The following SMAD6 variants were observed in gnomAD, a reference collection of about 807,000 sequenced individuals.
SMAD6 encodes SMAD family member 6.
SMAD6 carries 103 observed loss-of-function variants against 39.4 expected under a neutral mutation model. The observed-to-expected ratio is 2.62, with a 90% CI of 2.23 to 3.08. The LOEUF is 3.08. Ranked by LOEUF, SMAD6 falls within the 30% of genes most tolerant of loss-of-function variation. The probability of loss-of-function intolerance (pLI) is 0.00; values close to 1 mark genes in which losing one functional copy is unlikely to be tolerated. For synonymous variants in SMAD6, 445 were observed against 353.3 expected, an observed-to-expected ratio of 1.26 and a Z score of -2.91; for missense variants, 1,104 against 742.9, an observed-to-expected ratio of 1.49 and a Z score of -5.65.
At position 66,703,891 on chromosome 15, in the gene SMAD6, C is replaced by T. The variant is rs765145132; in HGVS notation, c.633C>T (p.Ala211=). The change falls in exon 1 of 4, where the codon GCC becomes GCT. Residue 211 remains alanine, a synonymous_variant. Transcript: ENST00000288840. ...VPGGCVLVPR[A]DLRLGGQPAP... ...GCGGCTGCGTGCTGGTGCCGCGCGCCGACCTCCGCCTGGGCGGCCAGCCCG... is the reference window on the plus strand; with the variant it reads ...GCGGCTGCGTGCTGGTGCCGCGCGCTGACCTCCGCCTGGGCGGCCAGCCCG... The T allele has an allele frequency of 3.9e-6, 5 of 1,294,366 alleles. No homozygotes were observed. The South Asian group carries it at 9.8e-5, about 25-fold the overall frequency. The allele number at this position is 1,294,366 out of a possible 1,614,324, so 80.2% of individuals were successfully genotyped here.
Position 66,708,633 on chromosome 15 carries a change from T to A in SMAD6, c.818-3035T>A, listed in dbSNP as rs1893167003. 3 of 442,986 alleles carry A rather than the reference T, an allele frequency of 6.8e-6. No homozygotes were observed. The Admixed American group carries it at 7.3e-5, about 11-fold the overall frequency. The allele number at this position is 442,986 out of a possible 1,614,324, so 27.4% of individuals were successfully genotyped here. ...GCACCAAAACGTGCTACAACATGGA[T>A]GAACTTCGATGACTTTGTGCCACAT... On this transcript the variant is annotated intron_variant, in intron 1 of 3. Coordinates refer to ENST00000288840, the MANE Select transcript of SMAD6 (RefSeq NM_005585.5).
chr15:66,716,785 GCTC>G (rs1893338708), intron 3 of SMAD6, among the ~76,000 whole-genome samples: 1 of 152,236 alleles, frequency 6.6e-6, no homozygotes, highest in Non-Finnish European at 1.5e-5. Context: ...GCTCAGCACA[GCTC>G]TCCCTTTCGT....
At chr15:66,710,870 C>T (rs1185685815) in intron 1 of SMAD6, among the ~76,000 whole-genome samples, 3 of 152,154 alleles carry the variant, frequency 2.0e-5, no homozygotes, top group African/African-American at 7.2e-5. Flanking sequence ...CTGTCCTTTA[C>T]AAAAGGGGAG....
At chr15:66,764,339 CA>C (rs1894254607) in intron 3 of SMAD6, among the ~76,000 whole-genome samples, 1 of 151,562 alleles carries the variant, frequency 6.6e-6, no homozygotes, top group African/African-American at 2.4e-5. Context: ...GGAATTATTA[CA>C]AACTCTGGAT....
chr15:66,736,953 C>T (rs1168099321), intron 3 of SMAD6, among the ~76,000 whole-genome samples: 1 of 152,220 alleles, frequency 6.6e-6, no homozygotes, highest in East Asian at 1.9e-4. Context: ...CAGGCATGAG[C>T]CGCTGCACCT....
intron 3 of SMAD6, among the ~76,000 whole-genome samples, chr15:66,718,052 T>C (rs1309381934): frequency 6.6e-6 from 1 of 152,062 alleles, no homozygotes; most frequent in Non-Finnish European, 1.5e-5. Context: ...GTTGGTTGTC[T>C]GGACAGATGG....
At chr15:66,754,450 G>A (rs1360011741) in intron 3 of SMAD6, among the ~76,000 whole-genome samples, 1 of 152,236 alleles carries the variant, frequency 6.6e-6, no homozygotes, top group Non-Finnish European at 1.5e-5. Context: ...TCCCTTGTGT[G>A]AATTACAGCC....
Position 66,703,482 on chromosome 15 carries a change from G to A in SMAD6, c.224G>A (p.Arg75Gln), listed in dbSNP as rs373376338. The change falls in exon 1 of 4, where the codon CGA becomes CAA. Residue 75 changes from arginine to glutamine, a missense_variant. By Grantham distance (43) the Arg-to-Gln change is conservative (BLOSUM62 1). Transcript: ENST00000288840. ...CGGCCCCGGGACGCAGTGGGACAGCGAGGCGCCCAGGGCGCGGGGAGGCGC... is the reference window on the plus strand; with the variant it reads ...CGGCCCCGGGACGCAGTGGGACAGCAAGGCGCCCAGGGCGCGGGGAGGCGC... ...PRRPRDAVGQRGAQGAGRRRR... is the reference protein window; with the variant it reads ...PRRPRDAVGQQGAQGAGRRRR... 1.9e-4 allele frequency: 231 copies of A among 1,237,406 alleles called. 3 individuals are homozygous for A. In the East Asian group the frequency reaches 4.8e-3, roughly 26 times the overall value. The allele number at this position is 1,237,406 out of a possible 1,614,324, so 76.7% of individuals were successfully genotyped here.
chr15:66,728,699 C>G (rs1450975221), intron 3 of SMAD6, among the ~76,000 whole-genome samples: 1 of 152,226 alleles, frequency 6.6e-6, no homozygotes, highest in Non-Finnish European at 1.5e-5. Context: ...GCCACTACAC[C>G]TGGCCTCATC....
At chr15:66,751,574 A>G (rs1894006667) in intron 3 of SMAD6, among the ~76,000 whole-genome samples, 1 of 152,080 alleles carries the variant, frequency 6.6e-6, no homozygotes, top group Non-Finnish European at 1.5e-5. Context: ...CTGAGCCCCT[A>G]GTCTACACTG....
intron 3 of SMAD6, among the ~76,000 whole-genome samples, chr15:66,745,851 T>G (rs1400443761): frequency 6.6e-6 from 1 of 152,174 alleles, no homozygotes; most frequent in African/African-American, 2.4e-5. Flanking sequence ...TCTTTCTAGA[T>G]AAGAACCACA....
At chr15:66,706,156 A>G (rs994281042) in intron 1 of SMAD6, 4 of 152,282 alleles carry the variant, frequency 2.6e-5, no homozygotes, top group Admixed American at 6.5e-5. Context: ...GTTCTTGACC[A>G]TGGACCTGGT....
At chr15:66,740,172 C>T (rs1355755781) in intron 3 of SMAD6, among the ~76,000 whole-genome samples, 1 of 152,218 alleles carries the variant, frequency 6.6e-6, no homozygotes, top group East Asian at 1.9e-4. Context: ...CAGGCCGTGG[C>T]ACTCACCCTG....
At chr15:66,749,821 C>T (rs2140645981) in intron 3 of SMAD6, among the ~76,000 whole-genome samples, 1 of 152,284 alleles carries the variant, frequency 6.6e-6, no homozygotes, top group South Asian at 2.1e-4. Context: ...GGACTGACCC[C>T]AGGTGGCACC....
chr15:66,729,447 C>T (rs986670611), intron 3 of SMAD6, among the ~76,000 whole-genome samples: 46 of 152,336 alleles, frequency 3.0e-4, no homozygotes, highest in East Asian at 1.5e-3. Context: ...AGCAGCCGGC[C>T]GGGTCTGCCT....
chr15:66,764,915 G>A (rs1304730534), intron 3 of SMAD6, among the ~76,000 whole-genome samples: 2 of 152,136 alleles, frequency 1.3e-5, no homozygotes, highest in Non-Finnish European at 2.9e-5. Context: ...AGGAATTAAA[G>A]ACACTGCTCA....
intron 3 of SMAD6, among the ~76,000 whole-genome samples, chr15:66,772,375 G>A (rs1297440419): frequency 1.3e-5 from 2 of 152,168 alleles, no homozygotes; most frequent in African/African-American, 2.4e-5. Context: ...CTGGTATTTG[G>A]TAAAGGTTTC....
intron 3 of SMAD6, among the ~76,000 whole-genome samples, chr15:66,775,913 GA>G (rs1308176023): frequency 6.6e-6 from 1 of 152,242 alleles, no homozygotes; most frequent in Admixed American, 6.5e-5. Flanking sequence ...GGCACAGGGG[GA>G]GGGGGCTGTG....
chr15:66,782,133 A>AT lies in SMAD6; in HGVS notation c.*598_*599insT, dbSNP rs1330238934. 2 of 389,206 alleles carry AT rather than the reference A, an allele frequency of 5.1e-6. No individual in the cohort carries two copies. Among genetic ancestry groups the AT allele is most frequent in the African/African-American group, 2.1e-5 (1 of 48,428 alleles). The allele number at this position is 389,206 out of a possible 1,614,324, so 24.1% of individuals were successfully genotyped here. A position where few individuals can be genotyped will look rare whatever the true frequency, so the allele number is the denominator to read the frequency against. ...AGACAGAACAAATTGAAAAGGGAGG[A>AT]AAGTCACATTTACTCTTAAGTAAAC... On this transcript the variant is annotated 3_prime_UTR_variant, in exon 4 of 4. Coordinates refer to ENST00000288840, the MANE Select transcript of SMAD6 (RefSeq NM_005585.5).
Sources: allele counts gnomAD v4.1 joint callset (sites outside exome capture counted in the v4.1 genomes callset), GRCh38; gene constraint gnomAD v4.1.1; transcripts MANE v1.5; gene names NCBI Gene and HGNC (gene_info 2026-07-23, HGNC 2026-07-21).